The following CASK variants were observed in gnomAD, a reference collection of about 807,000 sequenced individuals.
CASK encodes peripheral plasma membrane protein CASK.
CASK carries 4 observed loss-of-function variants against 82.9 expected under a neutral mutation model. The ratio of observed to expected loss-of-function variants is 0.05; its 90% CI spans 0.02 to 0.11. The LOEUF (loss-of-function observed/expected upper bound fraction) is 0.11. CASK is among the 10% of genes least tolerant of loss of function. The probability of loss-of-function intolerance (pLI) is 1.00; values close to 1 mark genes in which losing one functional copy is unlikely to be tolerated. For synonymous variants in CASK, 259 were observed against 253.5 expected, an observed-to-expected ratio of 1.02 and a Z score of -0.20; for missense variants, 358 against 720.9, an observed-to-expected ratio of 0.50 and a Z score of 5.76.
At chrX:41,636,192 C>T (rs932286792) in intron 9 of CASK, among the ~76,000 whole-genome samples, 1 of 110,893 alleles carries the variant, frequency 9.0e-6, no homozygotes, top group African/African-American at 3.3e-5. Context: ...CCACCACACC[C>T]GGCCCCTAAT....
intron 25 of CASK, among the ~76,000 whole-genome samples, chrX:41,528,219 A>G (rs1301545845): frequency 8.9e-6 from 1 of 112,730 alleles, no homozygotes; most frequent in African/African-American, 3.2e-5. Flanking sequence ...ATAGGGTTAC[A>G]AGGATTAGGT....
chrX:41,625,101 T>G (rs1419872726), intron 10 of CASK, among the ~76,000 whole-genome samples: 1 of 111,443 alleles, frequency 9.0e-6, no homozygotes, highest in Admixed American at 9.5e-5. Context: ...TAGTAAATGA[T>G]TCTTGAGAAT....
At chrX:41,866,431 A>G (rs1345525032) in intron 1 of CASK, among the ~76,000 whole-genome samples, 1 of 112,404 alleles carries the variant, frequency 8.9e-6, no homozygotes, top group African/African-American at 3.2e-5. Flanking sequence ...AAGAAAACCC[A>G]GTGAACTTAT....
intron 11 of CASK, among the ~76,000 whole-genome samples, chrX:41,612,247 G>T (rs1448047080): frequency 6.4e-5 from 7 of 109,952 alleles, no homozygotes; most frequent in Middle Eastern, 4.2e-3. Context: ...TCCCATCTAG[G>T]AAGTGAGGAG....
At chrX:41,860,695 T>G (rs2071460660) in intron 1 of CASK, among the ~76,000 whole-genome samples, 3 of 112,109 alleles carry the variant, frequency 2.7e-5, no homozygotes, top group Non-Finnish European at 5.6e-5. Context: ...CATCCCCAGC[T>G]CCAACACATA....
intron 25 of CASK, among the ~76,000 whole-genome samples, chrX:41,525,440 TG>T (rs2064698648): frequency 9.1e-6 from 1 of 110,318 alleles, no homozygotes; most frequent in African/African-American, 3.3e-5. Flanking sequence ...TTTGCTTGGC[TG>T]AGTAATCCTT....
chrX:41,598,061 C>T (rs1258141680), intron 12 of CASK, among the ~76,000 whole-genome samples: 1 of 109,130 alleles, frequency 9.2e-6, no homozygotes, highest in Non-Finnish European at 1.9e-5. Context: ...ATTGCCTGAG[C>T]CTGGAAGGTC....
At chrX:41,756,096 C>T (rs1355803956) in intron 3 of CASK, among the ~76,000 whole-genome samples, 4 of 112,045 alleles carry the variant, frequency 3.6e-5, no homozygotes, top group South Asian at 7.5e-4. Flanking sequence ...AAGAATAACA[C>T]CTCTTGGAGT....
In CASK at chrX:41,770,335, T is replaced by C. The variant is rs182137533; in HGVS notation, c.278+16843A>G. Among the ~76,000 whole-genome samples, 295 of 108,648 alleles carry C rather than the reference T, an allele frequency of 2.7e-3. 2 individuals carry two copies. The highest frequency in any genetic ancestry group is 9.4e-3 in the African/African-American group (279 of 29,711). 94.3% of individuals were successfully genotyped at this position (108,648 alleles called of 115,157 possible). ...ACCTATCCATCCATCCATCCATCCA[T>C]CCATCCATCCATCCATCCATCCATC... On this transcript the variant is annotated intron_variant, in intron 3 of 26. Coordinates refer to ENST00000378163, the MANE Select transcript of CASK (RefSeq NM_001367721.1).
At chrX:41,735,212 T>C in intron 5 of CASK, among the ~76,000 whole-genome samples, 1 of 111,703 alleles carries the variant, frequency 9.0e-6, no homozygotes, top group Middle Eastern at 4.6e-3. Context: ...GCAATGCTCT[T>C]CTGTTTTCGT....
intron 8 of CASK, among the ~76,000 whole-genome samples, chrX:41,652,879 A>G (rs1424385234): frequency 3.6e-5 from 4 of 112,082 alleles, no homozygotes; most frequent in Non-Finnish European, 7.5e-5. Context: ...AATTAATGGA[A>G]CCCAAAGAGC....
At chrX:41,578,251 C>A in intron 15 of CASK, 89 bp downstream of exon 15, 5 of 651,287 alleles carry the variant, frequency 7.7e-6, no homozygotes, top group African/African-American at 2.2e-5. Context: ...CCTTCCCTCC[C>A]CAACTCCTAG....
chrX:41,635,842 G>A (rs1485823758), intron 9 of CASK: 3 of 98,568 alleles, frequency 3.0e-5, no homozygotes, highest in African/African-American at 7.4e-5. Flanking sequence ...GGTAGTGTAA[G>A]ATTTTATTTA....
At chrX:41,607,557 G>A (rs1007537701) in intron 12 of CASK, among the ~76,000 whole-genome samples, 4 of 112,139 alleles carry the variant, frequency 3.6e-5, no homozygotes, top group African/African-American at 1.3e-4. Context: ...AAAACTTTCT[G>A]CAGCAATGAC....
chrX:41,755,128 C>T (rs960147837), intron 3 of CASK, among the ~76,000 whole-genome samples: 3 of 110,893 alleles, frequency 2.7e-5, no homozygotes, highest in African/African-American at 6.6e-5. Context: ...CTGCCTGCCT[C>T]GGCCTCCCAA....
At chrX:41,827,107 C>A (rs1164693703) in intron 2 of CASK, among the ~76,000 whole-genome samples, 1 of 111,720 alleles carries the variant, frequency 9.0e-6, no homozygotes, top group African/African-American at 3.3e-5. Context: ...GAGGGAAGTT[C>A]ATTTAGTATC....
chrX:41,670,184 T>C (rs979766131), intron 6 of CASK, among the ~76,000 whole-genome samples: 1 of 112,197 alleles, frequency 8.9e-6, no homozygotes, highest in Non-Finnish European at 1.9e-5. Context: ...ATTCAATCAT[T>C]AGTTACAAGA....
At chrX:41,911,726 TAAG>T (rs1335450009) in intron 1 of CASK, among the ~76,000 whole-genome samples, 12 of 112,055 alleles carry the variant, frequency 1.1e-4, no homozygotes, top group Non-Finnish European at 2.3e-4. Flanking sequence ...AATGCAAACA[TAAG>T]AAGTGTGATA....
chrX:41,824,456 G>C (rs760491472), intron 2 of CASK, among the ~76,000 whole-genome samples: 33 of 112,289 alleles, frequency 2.9e-4, no homozygotes, highest in African/African-American at 9.4e-4. Flanking sequence ...GAGGAGAAAG[G>C]GTTCTGTTGT....
Sources: gnomAD v4.1 joint callset for allele counts (sites outside exome capture counted in the v4.1 genomes callset) on GRCh38, gnomAD v4.1.1 for gene constraint, MANE v1.5 for transcripts, NCBI Gene and HGNC (gene_info 2026-07-23, HGNC 2026-07-21) for gene names.